FAT3: variants seen among roughly 807,000 people sequenced by gnomAD.
FAT3 encodes protocadherin Fat 3.
Under a neutral mutation model 310.2 loss-of-function variants are expected in FAT3, and 95 were observed. The observed-to-expected ratio is 0.31, with a 90% CI of 0.26 to 0.36. FAT3 has a LOEUF of 0.36. Among genes scored for constraint, FAT3 ranks in the 10% least tolerant of loss-of-function variants. FAT3 has a pLI of 1.00. For missense variants in FAT3, 5,408 were observed against 5,715.6 expected, an observed-to-expected ratio of 0.95 and a Z score of 1.74; for synonymous variants, 2,314 against 2,192.9, an observed-to-expected ratio of 1.06 and a Z score of -1.54.
chr11:92,315,894 G>T (rs539903457), intron 1 of FAT3, among the ~76,000 whole-genome samples: 1 of 151,944 alleles, frequency 6.6e-6, no homozygotes, highest in Non-Finnish European at 1.5e-5. Context: ...AAGGGGAAAG[G>T]TTGAAATTTG....
chr11:92,364,694 TAGGATTC>T (rs1482369338), intron 2 of FAT3, among the ~76,000 whole-genome samples: 13 of 152,202 alleles, frequency 8.5e-5, no homozygotes, highest in Non-Finnish European at 1.6e-4. Context: ...GAGTTGTGTG[TAGGATTC>T]AGTTCAATTT....
chr11:92,597,088 T>C (rs1455845520), intron 3 of FAT3, among the ~76,000 whole-genome samples: 1 of 152,174 alleles, frequency 6.6e-6, no homozygotes, highest in Admixed American at 6.6e-5. Flanking sequence ...AGCCCAATTG[T>C]TGAAAATGTG....
intron 7 of FAT3, 144 bp downstream of exon 7, chr11:92,774,324 G>A (rs1440633681): frequency 5.5e-6 from 5 of 915,552 alleles, no homozygotes; most frequent in Non-Finnish European, 7.9e-6. Flanking sequence ...TCAAGAACAA[G>A]TGAGAAAAGG....
chr11:92,450,386 G>A (rs190677563), intron 2 of FAT3, among the ~76,000 whole-genome samples: 9 of 152,246 alleles, frequency 5.9e-5, no homozygotes, highest in Non-Finnish European at 8.8e-5. Flanking sequence ...CTGCTTTCCT[G>A]TGGCTGTGGG....
intron 4 of FAT3, among the ~76,000 whole-genome samples, chr11:92,758,771 G>A (rs1033560441): frequency 2.6e-5 from 4 of 152,184 alleles, no homozygotes; most frequent in African/African-American, 9.6e-5. Context: ...TGTGACAGAA[G>A]AGTTGGCATG....
Position 92,421,250 on chromosome 11 carries a change from A to G in FAT3, c.3292+65846A>G, listed in dbSNP as rs527651281. Among the ~76,000 whole-genome samples, 45 of 152,306 alleles carry G rather than the reference A, an allele frequency of 3.0e-4. No individual in the cohort carries two copies. The South Asian group carries it at 8.7e-3, about 29-fold the overall frequency. On this transcript the variant is annotated intron_variant, in intron 2 of 27. Transcript: ENST00000525166. ...TAACTCTTAATTTTGGTGGCTTGCT[A>G]TTTAGTAGTTTCATATTGCTGAGAG... is the stretch of plus-strand genomic sequence containing the variant.
chr11:92,639,717 G>C (rs931653369), intron 3 of FAT3, among the ~76,000 whole-genome samples: 3 of 152,122 alleles, frequency 2.0e-5, no homozygotes, highest in African/African-American at 7.2e-5. Flanking sequence ...ATTGTATTGT[G>C]ATTTTCATCC....
At chr11:92,283,934 G>A (rs1208843978) in intron 1 of FAT3, among the ~76,000 whole-genome samples, 1 of 151,870 alleles carries the variant, frequency 6.6e-6, no homozygotes, top group African/African-American at 2.4e-5. Context: ...TTTGTGTCTT[G>A]GGACACAAAA....
chr11:92,610,127 G>A (rs566011230), intron 3 of FAT3, among the ~76,000 whole-genome samples: 21 of 152,170 alleles, frequency 1.4e-4, no homozygotes, highest in African/African-American at 4.6e-4. Context: ...ACATTTACTA[G>A]TGCACTTGTA....
intron 3 of FAT3, among the ~76,000 whole-genome samples, chr11:92,610,243 T>C (rs1369925061): frequency 1.3e-5 from 2 of 152,204 alleles, no homozygotes; most frequent in Non-Finnish European, 2.9e-5. Context: ...ATTGAGCATC[T>C]AGCCGATGTA....
At chr11:92,409,355 A>G (rs768509122) in intron 2 of FAT3, among the ~76,000 whole-genome samples, 1 of 152,074 alleles carries the variant, frequency 6.6e-6, no homozygotes, top group African/African-American at 2.4e-5. Flanking sequence ...CTCCCTTTGT[A>G]CTTGAGAAAA....
intron 4 of FAT3, among the ~76,000 whole-genome samples, chr11:92,708,826 C>T (rs1944437718): frequency 1.3e-5 from 2 of 152,222 alleles, no homozygotes; most frequent in South Asian, 4.1e-4. Flanking sequence ...AGAGATTTAT[C>T]AGCTTCCGCT....
chr11:92,527,376 G>A (rs974191326), intron 3 of FAT3, among the ~76,000 whole-genome samples: 8 of 152,088 alleles, frequency 5.3e-5, no homozygotes, highest in Non-Finnish European at 7.4e-5. Flanking sequence ...ACAGTGCCTG[G>A]TGCATTGAAA....
chr11:92,833,862 G>A (rs77792777), intron 14 of FAT3, among the ~76,000 whole-genome samples: 51 of 152,322 alleles, frequency 3.3e-4, no homozygotes, highest in African/African-American at 1.2e-3. Context: ...AGACTGGGAT[G>A]CAAAATAAGC....
intron 1 of FAT3, among the ~76,000 whole-genome samples, chr11:92,289,515 A>G (rs1591059611): frequency 6.6e-6 from 1 of 151,688 alleles, no homozygotes; most frequent in Non-Finnish European, 1.5e-5. Context: ...ACACACACAC[A>G]CACACACACA....
chr11:92,601,172 A>C (rs1940004746), intron 3 of FAT3, among the ~76,000 whole-genome samples: 2 of 151,844 alleles, frequency 1.3e-5, no homozygotes, highest in Non-Finnish European at 2.9e-5. Flanking sequence ...AAGATTATCT[A>C]GCTGCTATGG....
At chr11:92,509,257 G>A (rs1419971021) in intron 2 of FAT3, among the ~76,000 whole-genome samples, 4 of 152,032 alleles carry the variant, frequency 2.6e-5, no homozygotes. Context: ...TGAAACTGCT[G>A]GTTAAAATAT....
chr11:92,564,690 C>T (rs1315297674), intron 3 of FAT3, among the ~76,000 whole-genome samples: 4 of 152,172 alleles, frequency 2.6e-5, no homozygotes, highest in African/African-American at 9.6e-5. Context: ...AACTATCTCT[C>T]AGACCACAGT....
At chr11:92,869,338 T>A (rs1191588997) in intron 22 of FAT3, among the ~76,000 whole-genome samples, 2 of 152,034 alleles carry the variant, frequency 1.3e-5, no homozygotes, top group African/African-American at 4.8e-5. Context: ...GTGTCCCAGG[T>A]GGGGAAATTT....
Sources: gnomAD v4.1 joint callset for allele counts (sites outside exome capture counted in the v4.1 genomes callset) on GRCh38, gnomAD v4.1.1 for gene constraint, MANE v1.5 for transcripts, NCBI Gene and HGNC (gene_info 2026-07-23, HGNC 2026-07-21) for gene names.